Variants in AGBL4 observed in about 807,000 individuals in gnomAD.
AGBL4 encodes AGBL carboxypeptidase 4, also known as cytosolic carboxypeptidase 6.
In AGBL4, 58 loss-of-function variants were observed where a neutral mutation model predicts 66.4. The observed-to-expected ratio is 0.87, with a 90% CI of 0.71 to 1.09. The LOEUF (loss-of-function observed/expected upper bound fraction) is 1.09, where lower values mean the gene tolerates loss of function less well. Ranked by LOEUF, AGBL4 falls within the 50% of genes least tolerant of loss-of-function variation. The pLI is 0.00. For synonymous variants in AGBL4, 234 were observed against 222.9 expected (o/e 1.05, Z -0.44); for missense variants, 579 against 631.0 (o/e 0.92, Z 0.88).
intron 6 of AGBL4, among the ~76,000 whole-genome samples, chr1:48,713,464 T>G (rs1052816944): frequency 2.6e-5 from 4 of 152,028 alleles, no homozygotes; most frequent in Admixed American, 2.6e-4. Context: ...GCGTCCGCAG[T>G]GGGAAGCACA....
chr1:49,654,688 T>C (rs1031394598), intron 3 of AGBL4, among the ~76,000 whole-genome samples: 2 of 152,218 alleles, frequency 1.3e-5, no homozygotes, highest in African/African-American at 4.8e-5. Context: ...TGGCCTTCTT[T>C]GTCTCTCTTG....
At chr1:49,102,267 T>C (rs1435293234) in intron 4 of AGBL4, among the ~76,000 whole-genome samples, 1 of 152,082 alleles carries the variant, frequency 6.6e-6, no homozygotes, top group Non-Finnish European at 1.5e-5. Flanking sequence ...TCAGACACTA[T>C]TTTAGAGTGG....
At chr1:48,647,628 A>G (rs765230419) in intron 8 of AGBL4, 4 of 452,428 alleles carry the variant, frequency 8.8e-6, no homozygotes, top group South Asian at 6.3e-5. Context: ...TGCAAACCCA[A>G]CACAGGGTTT....
intron 4 of AGBL4, among the ~76,000 whole-genome samples, chr1:49,047,854 G>C (rs1379975749): frequency 1.3e-5 from 2 of 152,134 alleles, no homozygotes; most frequent in Non-Finnish European, 2.9e-5. Context: ...CTGAGTACCA[G>C]AGGAAAAAGT....
At chr1:48,789,256 C>T (rs1296965351) in intron 6 of AGBL4, among the ~76,000 whole-genome samples, 1 of 150,588 alleles carries the variant, frequency 6.6e-6, no homozygotes, top group Non-Finnish European at 1.5e-5. Flanking sequence ...AACTGGGAGG[C>T]TGTACTATTC....
chr1:49,654,061 G>A lies in AGBL4; in HGVS notation c.282+43252C>T, dbSNP rs576211251. Among the ~76,000 whole-genome samples, 6 of 152,224 alleles carry A rather than the reference G, an allele frequency of 3.9e-5. No individual in the cohort carries two copies. In the East Asian group the frequency reaches 1.2e-3, roughly 29 times the overall value. On this transcript the variant is annotated intron_variant, in intron 3 of 13. Coordinates refer to ENST00000371839, the MANE Select transcript of AGBL4 (RefSeq NM_032785.4). ...ATCGAAACGAAAGAAAACATTTTAA[G>A]GGCAGCCAGAGAGAAAGGCCAGGTC...
intron 5 of AGBL4, among the ~76,000 whole-genome samples, chr1:49,009,507 A>T (rs1007583880): frequency 1.3e-5 from 2 of 151,964 alleles, no homozygotes; most frequent in African/African-American, 2.4e-5. Context: ...AAAAAGAGGG[A>T]ATCCTCCCTA....
At chr1:48,725,509 A>C (rs1647221694) in intron 6 of AGBL4, among the ~76,000 whole-genome samples, 1 of 152,232 alleles carries the variant, frequency 6.6e-6, no homozygotes. Context: ...CTGAATTAAT[A>C]AGATTGTTTT....
intron 5 of AGBL4, among the ~76,000 whole-genome samples, chr1:49,006,496 G>C (rs530339914): frequency 1.8e-4 from 28 of 152,180 alleles, no homozygotes; most frequent in East Asian, 7.7e-4. Flanking sequence ...ACAAAGCAGC[G>C]GGGAAGCTCG....
chr1:48,701,766 C>T (rs2148506706), intron 6 of AGBL4, among the ~76,000 whole-genome samples: 1 of 152,122 alleles, frequency 6.6e-6, no homozygotes, highest in East Asian at 1.9e-4. Flanking sequence ...TTTTGAGCAC[C>T]CACCGGATGC....
intron 4 of AGBL4, among the ~76,000 whole-genome samples, chr1:49,232,914 A>C (rs1011757831): frequency 1.1e-4 from 16 of 152,212 alleles, no homozygotes; most frequent in Non-Finnish European, 1.3e-4. Flanking sequence ...ATATCATTAA[A>C]TGTATATATG....
At chr1:49,595,814 C>T (rs1644841789) in intron 3 of AGBL4, among the ~76,000 whole-genome samples, 1 of 152,176 alleles carries the variant, frequency 6.6e-6, no homozygotes. Flanking sequence ...ATTCACCTAA[C>T]TCTGTAACAT....
chr1:48,655,015 C>T (rs1453010997), intron 7 of AGBL4, among the ~76,000 whole-genome samples: 3 of 152,366 alleles, frequency 2.0e-5, no homozygotes, highest in Non-Finnish European at 4.4e-5. Context: ...AGGAGCCAGC[C>T]TGTGCTCAGG....
At chr1:49,914,266 A>G (rs1275041377) in intron 1 of AGBL4, among the ~76,000 whole-genome samples, 2 of 152,338 alleles carry the variant, frequency 1.3e-5, no homozygotes. Flanking sequence ...AAAAGTTTAA[A>G]TGCTTTGTTG....
intron 2 of AGBL4, among the ~76,000 whole-genome samples, chr1:49,846,690 A>T (rs1309633432): frequency 6.6e-6 from 1 of 152,254 alleles, no homozygotes; most frequent in Non-Finnish European, 1.5e-5. Context: ...ACAACTACAA[A>T]AAAATAAAAT....
At chr1:48,855,854 C>A (rs1647137285) in intron 6 of AGBL4, among the ~76,000 whole-genome samples, 1 of 151,924 alleles carries the variant, frequency 6.6e-6, no homozygotes, top group South Asian at 2.1e-4. Context: ...AATTCCATCC[C>A]TAGTAATCTA....
At chr1:48,580,118 G>C (rs1020000063) in intron 11 of AGBL4, among the ~76,000 whole-genome samples, 1 of 152,132 alleles carries the variant, frequency 6.6e-6, no homozygotes, top group Admixed American at 6.5e-5. Context: ...CTCACCTTCA[G>C]ACATGAGAGC....
At chr1:49,186,242 C>T (rs1436255674) in intron 4 of AGBL4, among the ~76,000 whole-genome samples, 1 of 152,152 alleles carries the variant, frequency 6.6e-6, no homozygotes, top group Non-Finnish European at 1.5e-5. Flanking sequence ...AGAATACACC[C>T]CATTCAGCCT....
At chr1:49,776,481 G>A (rs909756772) in intron 2 of AGBL4, among the ~76,000 whole-genome samples, 5 of 152,064 alleles carry the variant, frequency 3.3e-5, no homozygotes, top group African/African-American at 1.2e-4. Context: ...CTTATATGAT[G>A]AGAGTCCTAA....
Sources: allele counts gnomAD v4.1 joint callset (sites outside exome capture counted in the v4.1 genomes callset), GRCh38; gene constraint gnomAD v4.1.1; transcripts MANE v1.5; gene names NCBI Gene and HGNC (gene_info 2026-07-23, HGNC 2026-07-21).